The following GRXCR2 variants were observed in gnomAD, a reference collection of about 807,000 sequenced individuals.
The protein encoded by GRXCR2 is glutaredoxin and cysteine rich domain containing 2, also known as glutaredoxin domain-containing cysteine-rich protein 2.
Under a neutral mutation model 24.8 loss-of-function variants are expected in GRXCR2, and 23 were observed. The ratio of observed to expected loss-of-function variants is 0.93; its 90% CI spans 0.67 to 1.32. GRXCR2 has a LOEUF of 1.32. GRXCR2 is among the 40% of genes most tolerant of loss of function. The probability of loss-of-function intolerance (pLI) is 0.00; values close to 1 mark genes in which losing one functional copy is unlikely to be tolerated. For synonymous variants in GRXCR2, 130 were observed against 116.1 expected, an observed-to-expected ratio of 1.12 and a Z score of -0.77; for missense variants, 315 against 303.4, an observed-to-expected ratio of 1.04 and a Z score of -0.28.
intron 2 of GRXCR2, among the ~76,000 whole-genome samples, chr5:145,879,213 T>C (rs1156696481): frequency 6.6e-6 from 1 of 152,010 alleles, no homozygotes; most frequent in Non-Finnish European, 1.5e-5. Flanking sequence ...TAAATGTAAA[T>C]AGGCTAAATG....
intron 2 of GRXCR2, among the ~76,000 whole-genome samples, chr5:145,913,721 T>G (rs1192506817): frequency 6.6e-6 from 1 of 152,152 alleles, no homozygotes. Flanking sequence ...CACCGTTTCA[T>G]CATGTCGCCC....
chr5:145,918,610 ATGCCCAGCACTGTGC>A (rs1242238573), intron 2 of GRXCR2, among the ~76,000 whole-genome samples: 3 of 152,144 alleles, frequency 2.0e-5, no homozygotes, highest in African/African-American at 7.2e-5. Flanking sequence ...TGCTTCCCAT[ATGCCCAGCACTGTGC>A]TGCAAGCAGG....
At chr5:145,894,459 T>G (rs1169491450) in intron 2 of GRXCR2, among the ~76,000 whole-genome samples, 1 of 152,046 alleles carries the variant, frequency 6.6e-6, no homozygotes, top group Non-Finnish European at 1.5e-5. Context: ...ATATCACCAC[T>G]GATCCCACAG....
rs1173858497 is a variant in GRXCR2 at position 145,873,004 on chromosome 5, G to T, written c.-36C>A. The stretch of plus-strand genomic sequence containing the variant: ...TTGACCCTGTGGTCTCCAGCCTTCC[G>T]TGCAGCCGGTGAAACTTGGGCCTCT... On this transcript the variant is annotated 5_prime_UTR_variant, in exon 1 of 3. Transcript: ENST00000377976. 13 of 1,566,930 alleles carry T rather than the reference G, an allele frequency of 8.3e-6. No individual in the cohort carries two copies. The highest frequency in any genetic ancestry group is 1.1e-5 in the Non-Finnish European group (13 of 1,143,254).
chr5:145,894,975 T>C (rs1353308522), intron 2 of GRXCR2, among the ~76,000 whole-genome samples: 2 of 152,116 alleles, frequency 1.3e-5, no homozygotes, highest in Non-Finnish European at 2.9e-5. Flanking sequence ...GCAAGGCTGG[T>C]TCAACATACG....
chr5:145,908,715 G>C (rs1757122748), intron 2 of GRXCR2, among the ~76,000 whole-genome samples: 1 of 152,162 alleles, frequency 6.6e-6, no homozygotes, highest in Non-Finnish European at 1.5e-5. Flanking sequence ...CTGGGGATTT[G>C]GAATCAGAAG....
upstream of GRXCR2, among the ~76,000 whole-genome samples, chr5:145,877,752 G>T (rs1374904659): frequency 1.3e-5 from 2 of 152,250 alleles, no homozygotes; most frequent in Non-Finnish European, 2.9e-5. Flanking sequence ...CCAAAGCAGG[G>T]CGGGGCATTC....
At chr5:145,897,642 A>G (rs1252609432) in intron 2 of GRXCR2, among the ~76,000 whole-genome samples, 1 of 152,172 alleles carries the variant, frequency 6.6e-6, no homozygotes, top group East Asian at 1.9e-4. Flanking sequence ...AGTGGAATAA[A>G]AATACAAATC....
At chr5:145,918,316 C>T (rs904371535) in intron 2 of GRXCR2, among the ~76,000 whole-genome samples, 1 of 152,160 alleles carries the variant, frequency 6.6e-6, no homozygotes, top group Non-Finnish European at 1.5e-5. Flanking sequence ...AATAATTAGC[C>T]TGTGGTCTCA....
chr5:145,924,310 T>C (rs1757362620), intron 2 of GRXCR2, among the ~76,000 whole-genome samples: 1 of 152,216 alleles, frequency 6.6e-6, no homozygotes, highest in Non-Finnish European at 1.5e-5. Context: ...TCTGGTTATA[T>C]TACAAAAGTC....
upstream of GRXCR2, among the ~76,000 whole-genome samples, chr5:145,877,274 A>C (rs867511035): frequency 2.2e-4 from 33 of 151,126 alleles, no homozygotes; most frequent in Middle Eastern, 6.8e-3. Context: ...AAGGTTAACA[A>C]AAAAAAGGAG....
chr5:145,863,687 C>T (rs1433378688), intron 2 of GRXCR2, among the ~76,000 whole-genome samples: 1 of 152,082 alleles, frequency 6.6e-6, no homozygotes, highest in Non-Finnish European at 1.5e-5. Flanking sequence ...TTTGTAAAGA[C>T]AGGTCTCATT....
intron 2 of GRXCR2, among the ~76,000 whole-genome samples, chr5:145,891,833 T>G (rs1419695909): frequency 1.3e-5 from 2 of 152,114 alleles, no homozygotes; most frequent in African/African-American, 4.8e-5. Context: ...ACAGACTGCC[T>G]CCTCAAGTTG....
upstream of GRXCR2, among the ~76,000 whole-genome samples, chr5:145,876,206 T>C (rs1180624568): frequency 7.1e-6 from 1 of 141,408 alleles, no homozygotes; most frequent in African/African-American, 2.6e-5. Flanking sequence ...TATATATATA[T>C]ATATATATAT....
At chr5:145,930,600 T>C (rs1247549974) in intron 2 of GRXCR2, among the ~76,000 whole-genome samples, 3 of 152,156 alleles carry the variant, frequency 2.0e-5, no homozygotes, top group Non-Finnish European at 4.4e-5. Context: ...TTTAAAAAAG[T>C]ACATGATTAT....
At chr5:145,909,893 C>T (rs955069613) in intron 2 of GRXCR2, among the ~76,000 whole-genome samples, 2 of 152,134 alleles carry the variant, frequency 1.3e-5, no homozygotes, top group African/African-American at 4.8e-5. Flanking sequence ...CGCCCTCACC[C>T]CTCGCTTCCC....
In GRXCR2 at chr5:145,898,802, C is replaced by T. The variant is rs367771769; in HGVS notation, c.-69-32074G>A. On this transcript the variant is annotated intron_variant, in intron 2 of 3. Transcript: ENST00000639411. ...TAATAAGAGCCATCTATGACAAACT[C>T]ACAGCCAATATCATACTAAATAGGC... 4.6e-5 allele frequency among the ~76,000 whole-genome samples: 7 copies of T among 152,162 alleles called. No homozygotes were observed. In the East Asian group the frequency reaches 9.7e-4, roughly 21 times the overall value.
chr5:145,891,541 A>C (rs1192807556), intron 2 of GRXCR2, among the ~76,000 whole-genome samples: 1 of 152,168 alleles, frequency 6.6e-6, no homozygotes, highest in Admixed American at 6.5e-5. Flanking sequence ...CACTGCTAGC[A>C]CAGCAGTCTG....
At chr5:145,900,239 C>A (rs534963577) in intron 2 of GRXCR2, among the ~76,000 whole-genome samples, 1 of 151,948 alleles carries the variant, frequency 6.6e-6, no homozygotes, top group Non-Finnish European at 1.5e-5. Flanking sequence ...TGAGTTCTTA[C>A]GAGATCTGGT....
Sources: allele counts gnomAD v4.1 joint callset (sites outside exome capture counted in the v4.1 genomes callset), GRCh38; gene constraint gnomAD v4.1.1; transcripts MANE v1.5; gene names NCBI Gene and HGNC (gene_info 2026-07-23, HGNC 2026-07-21).